DNAJC1: variants seen among roughly 807,000 people sequenced by gnomAD.
DNAJC1 encodes DnaJ heat shock protein family (Hsp40) member C1.
Under a neutral mutation model 76.6 loss-of-function variants are expected in DNAJC1, and 58 were observed. The ratio of observed to expected loss-of-function variants is 0.76; its 90% CI spans 0.61 to 0.94. DNAJC1 has a LOEUF of 0.94. Ranked by LOEUF, DNAJC1 falls within the 40% of genes least tolerant of loss-of-function variation. The probability of loss-of-function intolerance (pLI) is 0.00; values close to 1 mark genes in which losing one functional copy is unlikely to be tolerated. For synonymous variants in DNAJC1, 258 were observed against 267.9 expected, an observed-to-expected ratio of 0.96 and a Z score of 0.36; for missense variants, 689 against 677.3, an observed-to-expected ratio of 1.02 and a Z score of -0.19.
At chr10:21,758,694 G>T (rs1382007619) in intron 11 of DNAJC1, among the ~76,000 whole-genome samples, 1 of 152,262 alleles carries the variant, frequency 6.6e-6, no homozygotes, top group African/African-American at 2.4e-5. Flanking sequence ...GATGATCACG[G>T]TAATACCATC....
At chr10:21,994,767 G>C (rs1005549369) in intron 1 of DNAJC1, among the ~76,000 whole-genome samples, 2 of 151,808 alleles carry the variant, frequency 1.3e-5, no homozygotes, top group African/African-American at 4.8e-5. Flanking sequence ...CTCCAGCCTG[G>C]GTGACAAAGC....
At chr10:21,937,901 A>G (rs2131791705) in intron 1 of DNAJC1, among the ~76,000 whole-genome samples, 1 of 152,286 alleles carries the variant, frequency 6.6e-6, no homozygotes, top group South Asian at 2.1e-4. Context: ...CTACTGTAAT[A>G]TGAATGAACG....
intron 10 of DNAJC1, among the ~76,000 whole-genome samples, chr10:21,762,032 C>A (rs984984536): frequency 1.6e-4 from 25 of 152,254 alleles, no homozygotes; most frequent in Non-Finnish European, 3.5e-4. Context: ...CTCAGCCTCT[C>A]GAGTAGCTGG....
At chr10:21,823,435 T>C (rs905556378) in intron 8 of DNAJC1, among the ~76,000 whole-genome samples, 1 of 152,216 alleles carries the variant, frequency 6.6e-6, no homozygotes, top group African/African-American at 2.4e-5. Context: ...CATTTTTACA[T>C]AGGGTAGTTT....
At chr10:21,770,810 C>T (rs979084557) in intron 9 of DNAJC1, among the ~76,000 whole-genome samples, 1 of 152,078 alleles carries the variant, frequency 6.6e-6, no homozygotes, top group Admixed American at 6.5e-5. Context: ...TTGATGGTGT[C>T]CTTTGACTCA....
At chr10:21,908,165 T>A (rs1209629955) in intron 6 of DNAJC1, among the ~76,000 whole-genome samples, 2 of 103,332 alleles carry the variant, frequency 1.9e-5, no homozygotes, top group Non-Finnish European at 3.5e-5. Context: ...TATATAAAAA[T>A]ATATAATATA....
At chr10:21,920,508 T>G in intron 4 of DNAJC1, 1 of 218,768 alleles carries the variant, frequency 4.6e-6, no homozygotes, top group Non-Finnish European at 8.8e-6. Context: ...AATATTTCTA[T>G]TTGGAAGGTG....
intron 1 of DNAJC1, among the ~76,000 whole-genome samples, chr10:21,990,783 A>G (rs562588145): frequency 3.9e-5 from 6 of 152,322 alleles, no homozygotes; most frequent in Middle Eastern, 3.4e-3. Flanking sequence ...AAGATCTTGG[A>G]CACCAGTACA....
chr10:21,822,175 A>C (rs975878307), intron 8 of DNAJC1, among the ~76,000 whole-genome samples: 9 of 152,178 alleles, frequency 5.9e-5, no homozygotes, highest in Admixed American at 1.3e-4. Flanking sequence ...GGCAGGGCAC[A>C]GTGGCTCACA....
chr10:21,867,806 T>C (rs1836029384), intron 8 of DNAJC1, among the ~76,000 whole-genome samples: 1 of 151,862 alleles, frequency 6.6e-6, no homozygotes, highest in Admixed American at 6.6e-5. Context: ...GTGCCGTAGC[T>C]CACGTTTGTA....
At chr10:21,886,322 A>T (rs2131726256) in intron 7 of DNAJC1, among the ~76,000 whole-genome samples, 1 of 152,232 alleles carries the variant, frequency 6.6e-6, no homozygotes, top group Middle Eastern at 3.4e-3. Context: ...TGAGCTCCAA[A>T]ATTGAATCAG....
chr10:21,961,474 A>G (rs572370547), intron 1 of DNAJC1, among the ~76,000 whole-genome samples: 1 of 152,166 alleles, frequency 6.6e-6, no homozygotes, highest in Admixed American at 6.5e-5. Flanking sequence ...GCCAGATACA[A>G]AAGGACAAAT....
chr10:21,771,645 G>C (rs1337194747), intron 9 of DNAJC1, among the ~76,000 whole-genome samples: 1 of 151,988 alleles, frequency 6.6e-6, no homozygotes, highest in Non-Finnish European at 1.5e-5. Flanking sequence ...TTACAGGTGC[G>C]TGCCACCACA....
chr10:21,917,998 G>T (rs1836981590), intron 6 of DNAJC1, among the ~76,000 whole-genome samples: 1 of 151,808 alleles, frequency 6.6e-6, no homozygotes, highest in Non-Finnish European at 1.5e-5. Flanking sequence ...TGGTCCTCTA[G>T]ATTATAAACA....
Position 22,003,652 on chromosome 10 carries a change from A to C in DNAJC1, c.-218T>G. On this transcript the variant is annotated 5_prime_UTR_variant, in exon 1 of 12. Transcript: ENST00000376980. Reference sequence around the variant, plus strand: ...TGGGTAGGCGGGCGGGGCCGCAGCCAGCGCTACGTTCCGAAGACCCTCGCC... The same window carrying C: ...TGGGTAGGCGGGCGGGGCCGCAGCCCGCGCTACGTTCCGAAGACCCTCGCC... The C allele has an allele frequency of 4.4e-6, 2 of 452,654 alleles. No individual in the cohort carries two copies. Among genetic ancestry groups the C allele is most frequent in the East Asian group, 7.8e-5 (2 of 25,632 alleles). The allele number at this position is 452,654 out of a possible 1,614,324, so 28.0% of individuals were successfully genotyped here. A position where few individuals can be genotyped will look rare whatever the true frequency, so the allele number is the denominator to read the frequency against.
chr10:21,863,461 T>C (rs755690558), intron 8 of DNAJC1, among the ~76,000 whole-genome samples: 15 of 152,010 alleles, frequency 9.9e-5, no homozygotes, highest in Admixed American at 2.0e-4. Context: ...ATAGATGAAA[T>C]TCTACACAGA....
chr10:21,913,124 T>A (rs1170262371), intron 6 of DNAJC1, among the ~76,000 whole-genome samples: 1 of 152,122 alleles, frequency 6.6e-6, no homozygotes, highest in South Asian at 2.1e-4. Flanking sequence ...TATGACAATT[T>A]TTATTTGACT....
chr10:21,808,930 A>T (rs1315749750), intron 8 of DNAJC1, among the ~76,000 whole-genome samples: 2 of 152,238 alleles, frequency 1.3e-5, no homozygotes, highest in Non-Finnish European at 2.9e-5. Flanking sequence ...CTGGGAATAA[A>T]TCTCCATACT....
At chr10:21,977,504 G>T (rs1412029582) in intron 1 of DNAJC1, among the ~76,000 whole-genome samples, 1 of 152,078 alleles carries the variant, frequency 6.6e-6, no homozygotes, top group African/African-American at 2.4e-5. Context: ...CCCAAGAAAA[G>T]ACTTGTGTGG....
Sources: allele counts gnomAD v4.1 joint callset (sites outside exome capture counted in the v4.1 genomes callset), GRCh38; gene constraint gnomAD v4.1.1; transcripts MANE v1.5; gene names NCBI Gene and HGNC (gene_info 2026-07-23, HGNC 2026-07-21).